The following CCDC85A variants were observed in gnomAD, a reference collection of about 807,000 sequenced individuals.
CCDC85A encodes coiled-coil domain-containing protein 85A.
CCDC85A carries 38 observed loss-of-function variants against 50.2 expected under a neutral mutation model. That is an observed-to-expected ratio of 0.76 (90% CI 0.58 to 0.99). CCDC85A has a LOEUF of 0.99. CCDC85A is among the 50% of genes least tolerant of loss of function. CCDC85A has a pLI of 0.00. For synonymous variants in CCDC85A, 366 were observed against 301.4 expected, an observed-to-expected ratio of 1.21 and a Z score of -2.22; for missense variants, 820 against 742.0, an observed-to-expected ratio of 1.11 and a Z score of -1.22.
Position 56,372,479 on chromosome 2 carries a change from G to C in CCDC85A, c.1452+1G>C. On this transcript the variant is annotated splice_donor_variant, in intron 4 of 5. Transcript: ENST00000407595. LOFTEE classifies it high-confidence loss of function. ...AGGACGATGCCTGCCTACTCTCCCG[G>C]TGAGTGAAGATGAGTCAGCTGGATG... The C allele has an allele frequency of 6.3e-7, 1 of 1,594,270 alleles. No individual in the cohort carries two copies. The highest frequency in any genetic ancestry group is 8.6e-7 in the Non-Finnish European group (1 of 1,168,976).
intron 2 of CCDC85A, among the ~76,000 whole-genome samples, chr2:56,304,811 G>A (rs972929423): frequency 6.6e-6 from 1 of 151,898 alleles, no homozygotes; most frequent in Non-Finnish European, 1.5e-5. Context: ...CACTTTGGGG[G>A]GCCAGGGCGG....
chr2:56,329,146 C>G (rs1381815736), intron 2 of CCDC85A, among the ~76,000 whole-genome samples: 1 of 152,182 alleles, frequency 6.6e-6, no homozygotes, highest in Non-Finnish European at 1.5e-5. Context: ...ATTTCAGCCA[C>G]TACTCTTCTC....
intron 2 of CCDC85A, among the ~76,000 whole-genome samples, chr2:56,335,157 T>C (rs1674009516): frequency 6.6e-6 from 1 of 152,180 alleles, no homozygotes; most frequent in Non-Finnish European, 1.5e-5. Flanking sequence ...TCACTTATAC[T>C]TGTGGAGTTA....
intron 2 of CCDC85A, among the ~76,000 whole-genome samples, chr2:56,236,461 T>G (rs1669020465): frequency 6.6e-6 from 1 of 152,174 alleles, no homozygotes; most frequent in Non-Finnish European, 1.5e-5. Context: ...AGGTGGAATT[T>G]AGGTACAGCT....
At chr2:56,216,160 G>C (rs1032438925) in intron 2 of CCDC85A, among the ~76,000 whole-genome samples, 1 of 151,826 alleles carries the variant, frequency 6.6e-6, no homozygotes, top group Non-Finnish European at 1.5e-5. Context: ...AAAATGTGTA[G>C]TTTTGGCAAT....
chr2:56,186,126 A>C (rs567712743), intron 1 of CCDC85A, among the ~76,000 whole-genome samples: 1 of 152,324 alleles, frequency 6.6e-6, no homozygotes, highest in East Asian at 1.9e-4. Context: ...CCCGAGGCCG[A>C]AAGTCATTGT....
At chr2:56,370,426 A>C (rs183062689) in intron 3 of CCDC85A, among the ~76,000 whole-genome samples, 1 of 152,246 alleles carries the variant, frequency 6.6e-6, no homozygotes, top group East Asian at 1.9e-4. Flanking sequence ...ATATATGCTG[A>C]CATGGGGAGA....
At chr2:56,349,317 A>C (rs1002903375) in intron 3 of CCDC85A, among the ~76,000 whole-genome samples, 1 of 152,182 alleles carries the variant, frequency 6.6e-6, no homozygotes, top group Non-Finnish European at 1.5e-5. Flanking sequence ...AAAGGGTTTT[A>C]TGTGTAGTTC....
intron 2 of CCDC85A, among the ~76,000 whole-genome samples, chr2:56,333,883 G>A (rs1280818581): frequency 6.6e-6 from 1 of 152,150 alleles, no homozygotes; most frequent in African/African-American, 2.4e-5. Context: ...AAGCAGTGGA[G>A]GAAGGTGACA....
chr2:56,255,552 T>C lies in CCDC85A; in HGVS notation c.1240+62112T>C, dbSNP rs543499634. On this transcript the variant is annotated intron_variant, in intron 2 of 5. Coordinates refer to ENST00000407595, the MANE Select transcript of CCDC85A (RefSeq NM_001080433.2). ...ACAGAAGAGGAGCAAAGGATAGTGA[T>C]TGGGAGTTTTCACAGCCAGGATAAG... is the stretch of plus-strand genomic sequence containing the variant. Among the ~76,000 whole-genome samples the C allele has an allele frequency of 1.4e-4, 21 of 152,228 alleles. No individual in the cohort carries two copies. In the East Asian group the frequency reaches 3.7e-3, roughly 27 times the overall value.
intron 2 of CCDC85A, among the ~76,000 whole-genome samples, chr2:56,205,180 G>A (rs1259868896): frequency 6.6e-6 from 1 of 152,052 alleles, no homozygotes; most frequent in East Asian, 1.9e-4. Context: ...TACTGTCTTT[G>A]TACTAGATGG....
chr2:56,360,979 C>T (rs1188812433), intron 3 of CCDC85A, among the ~76,000 whole-genome samples: 2 of 152,156 alleles, frequency 1.3e-5, no homozygotes, highest in East Asian at 1.9e-4. Flanking sequence ...AGAGGCCAGG[C>T]GTGGTGGCTC....
chr2:56,320,971 C>A (rs2104259436), intron 2 of CCDC85A, among the ~76,000 whole-genome samples: 1 of 152,244 alleles, frequency 6.6e-6, no homozygotes, highest in East Asian at 1.9e-4. Context: ...CCCTGGGATG[C>A]AAGGCTGGTT....
chr2:56,207,705 A>C (rs1243860867), intron 2 of CCDC85A, among the ~76,000 whole-genome samples: 1 of 152,088 alleles, frequency 6.6e-6, no homozygotes, highest in Admixed American at 6.5e-5. Flanking sequence ...CTTCATGTCC[A>C]CCATCTGTTC....
rs1676801021 is a variant in CCDC85A, at chr2:56,385,917, A to G, written c.*1562A>G. On this transcript the variant is annotated 3_prime_UTR_variant, in exon 6 of 6. Transcript: ENST00000407595. Reference sequence around the variant, plus strand: ...ACTCTATAAAAGAAAATTGCTTGCTATATTTACACCTTCTTTCCTAGGAAA... The same window carrying G: ...ACTCTATAAAAGAAAATTGCTTGCTGTATTTACACCTTCTTTCCTAGGAAA... 6.6e-6 allele frequency: 1 copy of G among 152,142 alleles called. No homozygotes were observed. The highest frequency in any genetic ancestry group is 1.5e-5 in the Non-Finnish European group (1 of 67,778). The allele number at this position is 152,142 out of a possible 1,614,324, so 9.4% of individuals were successfully genotyped here.
chr2:56,361,860 T>G (rs1243043913), intron 3 of CCDC85A, among the ~76,000 whole-genome samples: 1 of 152,192 alleles, frequency 6.6e-6, no homozygotes. Flanking sequence ...GTCTCCATGT[T>G]GGGTAAACAC....
chr2:56,323,781 T>C (rs1409819285), intron 2 of CCDC85A, among the ~76,000 whole-genome samples: 2 of 152,094 alleles, frequency 1.3e-5, no homozygotes. Context: ...TTTTTCACCA[T>C]ATGTATTAGG....
intron 3 of CCDC85A, among the ~76,000 whole-genome samples, chr2:56,367,892 G>T (rs939455370): frequency 6.6e-6 from 1 of 152,014 alleles, no homozygotes; most frequent in Admixed American, 6.6e-5. Flanking sequence ...CCCATAGAGT[G>T]ACCGTACCAT....
chr2:56,207,066 G>C, intron 2 of CCDC85A, among the ~76,000 whole-genome samples: 1 of 152,148 alleles, frequency 6.6e-6, no homozygotes, highest in East Asian at 1.9e-4. Flanking sequence ...AAACAATAAA[G>C]GTAGACAAAT....
Sources: allele counts gnomAD v4.1 joint callset (sites outside exome capture counted in the v4.1 genomes callset), GRCh38; gene constraint gnomAD v4.1.1; transcripts MANE v1.5; gene names NCBI Gene and HGNC (gene_info 2026-07-23, HGNC 2026-07-21).